The following EYS variants were observed in gnomAD, a reference collection of about 807,000 sequenced individuals.
The protein encoded by EYS is EGF-like photoreceptor maintenance factor.
In EYS, 250 loss-of-function variants were observed where a neutral mutation model predicts 282.1. The ratio of observed to expected loss-of-function variants is 0.89; its 90% CI spans 0.80 to 0.98. EYS has a LOEUF of 0.98. Ranked by LOEUF, EYS falls within the 50% of genes least tolerant of loss-of-function variation. The probability of loss-of-function intolerance (pLI) is 0.00; values close to 1 mark genes in which losing one functional copy is unlikely to be tolerated. For synonymous variants in EYS, 1,355 were observed against 1,282.9 expected (o/e 1.06, Z -1.20); for missense variants, 4,016 against 3,709.0 (o/e 1.08, Z -2.15).
intron 29 of EYS, among the ~76,000 whole-genome samples, chr6:64,318,117 T>A (rs982595591): frequency 6.6e-6 from 1 of 152,024 alleles, no homozygotes; most frequent in African/African-American, 2.4e-5. Flanking sequence ...CCATGGCATG[T>A]GTATACCTAT....
At chr6:65,448,325 G>A (rs978061909) in intron 5 of EYS, among the ~76,000 whole-genome samples, 3 of 152,010 alleles carry the variant, frequency 2.0e-5, no homozygotes, top group African/African-American at 7.2e-5. Flanking sequence ...GAAGTTAGAT[G>A]ACTAACATGA....
intron 26 of EYS, among the ~76,000 whole-genome samples, chr6:64,541,465 C>T (rs1237173816): frequency 1.3e-5 from 2 of 152,110 alleles, no homozygotes; most frequent in Admixed American, 1.3e-4. Context: ...TCTACCTCTC[C>T]AAACTGTATG....
intron 31 of EYS, among the ~76,000 whole-genome samples, chr6:64,194,844 A>G (rs954750913): frequency 6.6e-6 from 1 of 152,116 alleles, no homozygotes; most frequent in Admixed American, 6.6e-5. Context: ...ATTTCATAAT[A>G]TAATTGTATT....
intron 22 of EYS, among the ~76,000 whole-genome samples, chr6:64,796,568 C>T (rs1280551255): frequency 6.6e-6 from 1 of 152,108 alleles, no homozygotes; most frequent in Non-Finnish European, 1.5e-5. Flanking sequence ...TGGACACCTG[C>T]TTCTAATTCT....
At chr6:65,134,380 TGTG>T (rs1208993185) in intron 12 of EYS, among the ~76,000 whole-genome samples, 2 of 151,788 alleles carry the variant, frequency 1.3e-5, no homozygotes, top group African/African-American at 4.8e-5. Flanking sequence ...ATAAAGAAAA[TGTG>T]GTAAATATAT....
intron 15 of EYS, among the ~76,000 whole-genome samples, chr6:64,945,443 A>G (rs1181533320): frequency 6.6e-6 from 1 of 152,094 alleles, no homozygotes; most frequent in Non-Finnish European, 1.5e-5. Context: ...AATTTAGCGG[A>G]CTCACTCCTT....
At chr6:64,870,570 G>A (rs1332057644) in intron 19 of EYS, among the ~76,000 whole-genome samples, 1 of 151,528 alleles carries the variant, frequency 6.6e-6, no homozygotes, top group Non-Finnish European at 1.5e-5. Flanking sequence ...CCATTGAAAT[G>A]GAAACAAAAA....
chr6:64,546,244 C>G (rs963009075), intron 26 of EYS, among the ~76,000 whole-genome samples: 1 of 152,114 alleles, frequency 6.6e-6, no homozygotes, highest in Admixed American at 6.6e-5. Context: ...TGATCTTTGA[C>G]AAACCTGACA....
intron 30 of EYS, among the ~76,000 whole-genome samples, chr6:64,284,567 G>T (rs1440122427): frequency 6.6e-6 from 1 of 152,144 alleles, no homozygotes; most frequent in Admixed American, 6.5e-5. Flanking sequence ...TTGTGCCCCA[G>T]TAGGGACTCT....
At chr6:65,026,326 A>C (rs1471107643) in intron 13 of EYS, among the ~76,000 whole-genome samples, 1 of 152,246 alleles carries the variant, frequency 6.6e-6, no homozygotes, top group East Asian at 1.9e-4. Context: ...AAGATTGTTT[A>C]GAATTTAACA....
chr6:64,033,734 T>A (rs1769975098), intron 33 of EYS, among the ~76,000 whole-genome samples: 1 of 152,056 alleles, frequency 6.6e-6, no homozygotes, highest in South Asian at 2.1e-4. Flanking sequence ...AATTATTGTT[T>A]TCTAGAACTT....
At chr6:64,042,764 A>C (rs992409474) in intron 33 of EYS, among the ~76,000 whole-genome samples, 5 of 152,262 alleles carry the variant, frequency 3.3e-5, no homozygotes, top group South Asian at 2.1e-4. Flanking sequence ...CCTGATCCAA[A>C]GATCAGGAGT....
chr6:63,794,632 C>T (rs1313977962), intron 37 of EYS, among the ~76,000 whole-genome samples: 1 of 152,208 alleles, frequency 6.6e-6, no homozygotes, highest in Non-Finnish European at 1.5e-5. Context: ...AGAATTATTT[C>T]ATTCTCAAAT....
At chr6:65,649,850 TG>T (rs1454547159) in intron 1 of EYS, among the ~76,000 whole-genome samples, 2 of 152,036 alleles carry the variant, frequency 1.3e-5, no homozygotes, top group African/African-American at 4.8e-5. Context: ...TAGATGACAA[TG>T]GGTGAAAGAA....
chr6:64,226,187 T>C (rs1291497949), intron 31 of EYS, among the ~76,000 whole-genome samples: 1 of 152,140 alleles, frequency 6.6e-6, no homozygotes, highest in Non-Finnish European at 1.5e-5. Context: ...GGACTACTCT[T>C]GTACACTTTT....
chr6:65,560,915 A>G (rs2127345027), intron 2 of EYS, among the ~76,000 whole-genome samples: 1 of 152,228 alleles, frequency 6.6e-6, no homozygotes. Context: ...CCAATGGTCT[A>G]GCCATAATCT....
chr6:64,000,925 C>A (rs1768068725), intron 33 of EYS, among the ~76,000 whole-genome samples: 1 of 152,096 alleles, frequency 6.6e-6, no homozygotes, highest in South Asian at 2.1e-4. Flanking sequence ...CCCTTAGGTG[C>A]TCTTTCTCAG....
intron 35 of EYS, among the ~76,000 whole-genome samples, chr6:63,953,931 G>A (rs1474326476): frequency 2.0e-5 from 3 of 152,124 alleles, no homozygotes. Context: ...TACTTTTAGA[G>A]GCCCTCAAAA....
intron 8 of EYS, among the ~76,000 whole-genome samples, chr6:65,358,562 G>A (rs1289710747): frequency 6.6e-6 from 1 of 151,166 alleles, no homozygotes; most frequent in African/African-American, 2.4e-5. Context: ...CATGCCATGA[G>A]AGAGAGAAAT....
Sources: gnomAD v4.1 joint callset for allele counts (sites outside exome capture counted in the v4.1 genomes callset) on GRCh38, gnomAD v4.1.1 for gene constraint, MANE v1.5 for transcripts, NCBI Gene and HGNC (gene_info 2026-07-23, HGNC 2026-07-21) for gene names.